Variants in DOCK7 observed in about 807,000 individuals in gnomAD.
DOCK7 encodes the protein dedicator of cytokinesis 7, also known as dedicator of cytokinesis protein 7.
In DOCK7, 138 loss-of-function variants were observed where a neutral mutation model predicts 271.0. That is an observed-to-expected ratio of 0.51 (90% CI 0.44 to 0.59). The LOEUF (loss-of-function observed/expected upper bound fraction) is 0.59, where lower values mean the gene tolerates loss of function less well. Ranked by LOEUF, DOCK7 falls within the 20% of genes least tolerant of loss-of-function variation. The pLI, the probability that DOCK7 is intolerant of heterozygous loss-of-function variation, is 0.00. For missense variants in DOCK7, 2,066 were observed against 2,592.4 expected (o/e 0.80, Z 4.41); for synonymous variants, 823 against 876.1 (o/e 0.94, Z 1.07).
chr1:62,466,397 C>T (rs1571193133), intron 48 of DOCK7, among the ~76,000 whole-genome samples: 1 of 152,198 alleles, frequency 6.6e-6, no homozygotes, highest in East Asian at 1.9e-4. Context: ...ACTTACAAAG[C>T]TGCTAACGCC....
At chr1:62,687,870 G>A (rs1445665671) in intron 1 of DOCK7, among the ~76,000 whole-genome samples, 2 of 152,278 alleles carry the variant, frequency 1.3e-5, no homozygotes, top group East Asian at 3.9e-4. Context: ...ACGAGCCCGG[G>A]GGTGGGAACA....
intron 23 of DOCK7, 51 bp from the exon 24 acceptor site, chr1:62,543,796 G>C (rs1431570079): frequency 7.5e-7 from 1 of 1,334,712 alleles, no homozygotes; most frequent in East Asian, 2.3e-5. Flanking sequence ...GTTTGCAGTG[G>C]ATGACTTTGC....
intron 1 of DOCK7, among the ~76,000 whole-genome samples, chr1:62,680,771 G>A (rs867323878): frequency 2.6e-5 from 4 of 151,152 alleles, no homozygotes; most frequent in African/African-American, 2.4e-5. Flanking sequence ...GCAGCCAAAA[G>A]ACACATGAAA....
chr1:62,655,599 G>GT (rs1250128716), intron 2 of DOCK7, among the ~76,000 whole-genome samples: 5 of 151,726 alleles, frequency 3.3e-5, no homozygotes, highest in Non-Finnish European at 4.4e-5. Flanking sequence ...TAATTTTTGT[G>GT]TTTTTTTGTA....
rs144656425 is a variant in DOCK7, at chr1:62,671,358, C to T, written c.39-8228G>A. ...AGAAAAGAAAAATTCATAATTCCTT[C>T]GCCAGAAAAGTAATTGACTAAGAAT... is the stretch of plus-strand genomic sequence containing the variant. On this transcript the variant is annotated intron_variant, in intron 1 of 49. Transcript: ENST00000635253. 5.2e-3 allele frequency among the ~76,000 whole-genome samples: 789 copies of T among 152,308 alleles called. 4 individuals are homozygous for T. Among genetic ancestry groups the T allele is most frequent in the African/African-American group, 0.018 (744 of 41,570 alleles).
intron 14 of DOCK7, among the ~76,000 whole-genome samples, chr1:62,592,382 G>A (rs1422447154): frequency 6.6e-6 from 1 of 152,038 alleles, no homozygotes; most frequent in Admixed American, 6.6e-5. Context: ...AAAAATACTA[G>A]AAGAGCTTTA....
chr1:62,483,033 A>G (rs896029453), intron 43 of DOCK7: 1 of 152,130 alleles, frequency 6.6e-6, no homozygotes, highest in Non-Finnish European at 1.5e-5. Context: ...TTTAAAAGAC[A>G]GGGTCTTACT....
intron 14 of DOCK7, among the ~76,000 whole-genome samples, chr1:62,588,291 T>C (rs2149503697): frequency 6.6e-6 from 1 of 152,290 alleles, no homozygotes; most frequent in East Asian, 1.9e-4. Flanking sequence ...TCCCTGGTCT[T>C]GAGGAACATA....
chr1:62,522,412 C>T (rs1384513920), intron 31 of DOCK7, among the ~76,000 whole-genome samples: 1 of 151,948 alleles, frequency 6.6e-6, no homozygotes, highest in Admixed American at 6.6e-5. Flanking sequence ...AAATAAACAA[C>T]ATTAAAAGAC....
chr1:62,531,570 T>G (rs949387443), intron 29 of DOCK7, among the ~76,000 whole-genome samples: 1 of 152,244 alleles, frequency 6.6e-6, no homozygotes, highest in East Asian at 1.9e-4. Context: ...CATTTAATCA[T>G]AGTGTACTGT....
At chr1:62,604,373 ACTATAATGAAAGTGTTCATT>A in intron 14 of DOCK7, 1 of 1,096,662 alleles carries the variant, frequency 9.1e-7, no homozygotes, top group East Asian at 2.6e-5. Context: ...AAACCTCTTA[ACTATAATGAAAGTGTTCATT>A]CTAGTTCAAT....
At chr1:62,483,214 G>GTTTTTTTTTTTTTTTTTTTTT (rs1477266538) in intron 43 of DOCK7, 1 of 48,530 alleles carries the variant, frequency 2.1e-5, no homozygotes, top group Non-Finnish European at 5.1e-5. Context: ...TTTTTTTTGG[G>GTTTTTTTTTTTTTTTTTTTTT]TAGAGATGAG....
chr1:62,508,698 A>G (rs1644387084), intron 34 of DOCK7, among the ~76,000 whole-genome samples: 1 of 152,218 alleles, frequency 6.6e-6, no homozygotes, highest in Non-Finnish European at 1.5e-5. Context: ...TATATTCTGT[A>G]AATATATACA....
chr1:62,557,065 CT>C (rs11324868), intron 20 of DOCK7, among the ~76,000 whole-genome samples: 131,148 of 137,318 alleles, frequency 0.96, 62,727 homozygotes, highest in Non-Finnish European at 0.99. Flanking sequence ...TTTTTCTTTT[CT>C]TTTTTTTTTT....
chr1:62,659,182 A>T (rs1342696268), intron 2 of DOCK7, among the ~76,000 whole-genome samples: 1 of 152,188 alleles, frequency 6.6e-6, no homozygotes, highest in African/African-American at 2.4e-5. Context: ...AATACAATAG[A>T]CTTTCCTTTT....
rs912252215 is a variant in DOCK7, at chr1:62,505,814, G to A, written c.4479C>T (p.Thr1493=). Residue 1493 remains threonine (T), a splice_region_variant and synonymous_variant, in exon 36 of 50, where the codon ACC becomes ACT. Transcript: ENST00000635253. The part of the protein sequence containing the change: ...ILDTLEIVVQ[T]VSVTESKESI... ...TCTCTTTGGATTCCGTTACAGAAACGGTCTGCAATTTAAAAATAAACAAAT... is the reference window on the plus strand; with the variant it reads ...TCTCTTTGGATTCCGTTACAGAAACAGTCTGCAATTTAAAAATAAACAAAT... 7 of 1,606,786 alleles carry A rather than the reference G, an allele frequency of 4.4e-6. No individual in the cohort carries two copies. Among genetic ancestry groups the A allele is most frequent in the East Asian group, 2.2e-5 (1 of 44,690 alleles).
intron 25 of DOCK7, 94 bp from the exon 26 acceptor site, chr1:62,539,986 T>A: frequency 1.3e-6 from 1 of 794,386 alleles, no homozygotes; most frequent in Non-Finnish European, 1.8e-6. Flanking sequence ...ATATGGCATG[T>A]AATTTAATAG....
chr1:62,578,422 T>A (rs1033746903), intron 17 of DOCK7, among the ~76,000 whole-genome samples: 14 of 152,028 alleles, frequency 9.2e-5, no homozygotes, highest in African/African-American at 3.4e-4. Flanking sequence ...AAGAAATATT[T>A]AAATAACAAG....
chr1:62,546,320 A>G (rs1364503336), intron 22 of DOCK7, among the ~76,000 whole-genome samples: 2 of 152,166 alleles, frequency 1.3e-5, no homozygotes, highest in Non-Finnish European at 2.9e-5. Flanking sequence ...GCAACCCTCA[A>G]GGGCTTAGGT....
Sources: gnomAD v4.1 joint callset for allele counts (sites outside exome capture counted in the v4.1 genomes callset) on GRCh38, gnomAD v4.1.1 for gene constraint, MANE v1.5 for transcripts, NCBI Gene and HGNC (gene_info 2026-07-23, HGNC 2026-07-21) for gene names.